Variants in CAMK4 observed in about 807,000 individuals in gnomAD.
The protein encoded by CAMK4 is calcium/calmodulin-dependent protein kinase type IV.
A neutral mutation model predicts 44.9 loss-of-function variants in CAMK4; 22 were observed. The observed-to-expected ratio is 0.49, with a 90% CI of 0.35 to 0.70. CAMK4 has a LOEUF of 0.70. CAMK4 is among the 30% of genes least tolerant of loss of function. CAMK4 has a pLI of 0.01. For missense variants in CAMK4, 498 were observed against 586.8 expected (o/e 0.85, Z 1.56); for synonymous variants, 218 against 215.4 (o/e 1.01, Z -0.11).
chr5:111,473,523 A>G (rs1180600623), intron 8 of CAMK4, 137 bp downstream of exon 8: 2 of 616,634 alleles, frequency 3.2e-6, no homozygotes, highest in Non-Finnish European at 5.7e-6. Context: ...AAATGCAGTT[A>G]GTGATAGAAT....
At chr5:111,346,379 T>C (rs1347724299) in intron 2 of CAMK4, among the ~76,000 whole-genome samples, 3 of 152,006 alleles carry the variant, frequency 2.0e-5, no homozygotes, top group African/African-American at 7.2e-5. Flanking sequence ...ATGGCAATTT[T>C]ATGTGGTCCA....
chr5:111,224,193 C>G (rs564950082), upstream of CAMK4: 1 of 268,366 alleles, frequency 3.7e-6, no homozygotes, highest in Admixed American at 5.7e-5. This position sits in a 1 kb window ranked among gnomAD's most constrained non-coding sequence, Gnocchi z 5.7. Context: ...GGGAGGAGGG[C>G]GGGTGAGGAG....
intron 1 of CAMK4, among the ~76,000 whole-genome samples, chr5:111,259,964 G>T (rs2112559468): frequency 6.6e-6 from 1 of 152,244 alleles, no homozygotes; most frequent in South Asian, 2.1e-4. Flanking sequence ...CAAGCAGAAA[G>T]TAATTTATAA....
At chr5:111,351,699 AC>A (rs1750115009) in intron 2 of CAMK4, among the ~76,000 whole-genome samples, 1 of 151,988 alleles carries the variant, frequency 6.6e-6, no homozygotes, top group African/African-American at 2.4e-5. Context: ...GGCGTGAGCC[AC>A]CACTCCTGGC....
At chr5:111,473,132 C>T (rs1755120469) in intron 7 of CAMK4, among the ~76,000 whole-genome samples, 179 bp from the exon 8 acceptor site, 2 of 152,136 alleles carry the variant, frequency 1.3e-5, no homozygotes, top group Admixed American at 6.5e-5. Flanking sequence ...AGACTATAAT[C>T]TCTCCTACTA....
At chr5:111,299,309 T>A (rs1461012555) in intron 1 of CAMK4, among the ~76,000 whole-genome samples, 1 of 152,246 alleles carries the variant, frequency 6.6e-6, no homozygotes, top group Non-Finnish European at 1.5e-5. Flanking sequence ...ATTGTCTATA[T>A]AAGGTATAAT....
At chr5:111,402,683 C>G (rs1025157923) in intron 5 of CAMK4, among the ~76,000 whole-genome samples, 1 of 152,132 alleles carries the variant, frequency 6.6e-6, no homozygotes, top group Non-Finnish European at 1.5e-5. Flanking sequence ...CTGACTGTGC[C>G]CAGTGAGTTC....
intron 2 of CAMK4, among the ~76,000 whole-genome samples, chr5:111,367,057 C>G (rs1447037635): frequency 6.6e-6 from 1 of 151,246 alleles, no homozygotes; most frequent in Non-Finnish European, 1.5e-5. Flanking sequence ...AGCAATAATA[C>G]ACCATAAATT....
chr5:111,234,691 G>T (rs1748635224), intron 1 of CAMK4, among the ~76,000 whole-genome samples: 1 of 152,160 alleles, frequency 6.6e-6, no homozygotes, highest in Admixed American at 6.5e-5. Context: ...CCACTTGCTT[G>T]TTAAGTCATG....
At chr5:111,239,498 T>C (rs1430899533) in intron 1 of CAMK4, among the ~76,000 whole-genome samples, 4 of 152,176 alleles carry the variant, frequency 2.6e-5, no homozygotes, top group African/African-American at 9.7e-5. Context: ...CATGAGGTTA[T>C]CCAAGAAGGG....
At chr5:111,269,832 G>A (rs1304631492) in intron 1 of CAMK4, 8 of 152,244 alleles carry the variant, frequency 5.3e-5, no homozygotes, top group Non-Finnish European at 1.0e-4. Flanking sequence ...GGCATGTAAA[G>A]CACTTCCTCA....
rs1027739201 is a variant in CAMK4, at chr5:111,490,921, G to A, written c.*6455G>A. 5 of 152,284 alleles carry A rather than the reference G, an allele frequency of 3.3e-5. No individual in the cohort carries two copies. Among genetic ancestry groups the A allele is most frequent in the African/African-American group, 1.2e-4 (5 of 41,546 alleles). 9.4% of individuals were successfully genotyped at this position (152,284 alleles called of 1,614,324 possible). A position where few individuals can be genotyped will look rare whatever the true frequency, so the allele number is the denominator to read the frequency against. On this transcript the variant is annotated 3_prime_UTR_variant, in exon 11 of 11. Transcript: ENST00000282356. ...TTCAACATTTTTCAATGTCTTGTGA[G>A]TTTAGTGAGTGGGTACAGCTGAGTT... is the stretch of plus-strand genomic sequence containing the variant.
chr5:111,275,862 T>A (rs1319589221), intron 1 of CAMK4, among the ~76,000 whole-genome samples: 4 of 152,088 alleles, frequency 2.6e-5, no homozygotes, highest in Admixed American at 2.0e-4. Flanking sequence ...ACACATTATA[T>A]ACATGTATAA....
At chr5:111,321,584 C>A (rs1322587531) in intron 1 of CAMK4, among the ~76,000 whole-genome samples, 1 of 152,130 alleles carries the variant, frequency 6.6e-6, no homozygotes, top group Non-Finnish European at 1.5e-5. Flanking sequence ...TCTGGTATAG[C>A]TCTCAGCCAC....
chr5:111,287,306 G>A (rs2112617219), intron 1 of CAMK4, among the ~76,000 whole-genome samples: 1 of 152,200 alleles, frequency 6.6e-6, no homozygotes, highest in Admixed American at 6.5e-5. Context: ...GACAGGATAG[G>A]AACAAAGTTC....
chr5:111,303,474 C>A (rs1192287600), intron 1 of CAMK4, among the ~76,000 whole-genome samples: 1 of 66,570 alleles, frequency 1.5e-5, no homozygotes, highest in Non-Finnish European at 2.8e-5. Flanking sequence ...CCGATGCGAT[C>A]AACTGGAAGA....
At chr5:111,362,493 A>T (rs73788843) in intron 2 of CAMK4, among the ~76,000 whole-genome samples, 5 of 152,010 alleles carry the variant, frequency 3.3e-5, no homozygotes, top group Admixed American at 6.6e-5. Context: ...AAAAAGAAGT[A>T]TACATACATA....
intron 6 of CAMK4, 128 bp downstream of exon 6, chr5:111,446,904 G>T: frequency 2.8e-6 from 2 of 702,710 alleles, no homozygotes; most frequent in South Asian, 3.1e-5. Context: ...ATTGACATCT[G>T]TAAAGGAAAT....
chr5:111,394,321 AGGAG>A (rs1202399421), intron 4 of CAMK4, among the ~76,000 whole-genome samples: 6 of 152,054 alleles, frequency 3.9e-5, no homozygotes, highest in African/African-American at 1.5e-4. Context: ...ATAATAAGGA[AGGAG>A]TAGAAGTAAT....
Sources: allele counts gnomAD v4.1 joint callset (sites outside exome capture counted in the v4.1 genomes callset), GRCh38; gene constraint gnomAD v4.1.1; non-coding constraint Gnocchi (gnomAD v3.1); transcripts MANE v1.5; gene names NCBI Gene and HGNC (gene_info 2026-07-23, HGNC 2026-07-21).